STYXL1: variants seen among roughly 807,000 people sequenced by gnomAD.
STYXL1 encodes the protein serine/threonine/tyrosine interacting like 1.
A neutral mutation model predicts 36.4 loss-of-function variants in STYXL1; 32 were observed. The ratio of observed to expected loss-of-function variants is 0.88; its 90% CI spans 0.66 to 1.18. STYXL1 has a LOEUF of 1.18. Ranked by LOEUF, STYXL1 falls within the 50% of genes most tolerant of loss-of-function variation. The pLI is 0.00. For missense variants in STYXL1, 354 were observed against 394.1 expected (o/e 0.90, Z 0.86); for synonymous variants, 133 against 144.1 (o/e 0.92, Z 0.55).
intron 4 of STYXL1, among the ~76,000 whole-genome samples, chr7:76,017,777 C>T (rs986429869): frequency 7.1e-6 from 1 of 141,268 alleles, no homozygotes; most frequent in Admixed American, 7.9e-5. Context: ...TTCCCAGCTA[C>T]TTGGGAAGCT....
intron 1 of STYXL1, among the ~76,000 whole-genome samples, chr7:76,033,017 G>T (rs972098378): frequency 6.6e-6 from 1 of 152,184 alleles, no homozygotes; most frequent in Non-Finnish European, 1.5e-5. Context: ...TTGTTGGGTG[G>T]AGAATCACTG....
intron 5 of STYXL1, among the ~76,000 whole-genome samples, chr7:76,007,973 T>C (rs1448972983): frequency 1.3e-5 from 2 of 148,948 alleles, no homozygotes; most frequent in African/African-American, 2.5e-5. Flanking sequence ...CTGAGGTGGG[T>C]GGATCACTTG....
At chr7:76,010,062 TGAG>T (rs1554571756) in intron 5 of STYXL1, among the ~76,000 whole-genome samples, 1 of 152,010 alleles carries the variant, frequency 6.6e-6, no homozygotes, top group African/African-American at 2.4e-5. Flanking sequence ...GCTTCAGAAA[TGAG>T]GAGGTGGCAG....
intron 4 of STYXL1, 70 bp from the exon 5 acceptor site, chr7:76,013,957 AC>A (rs199764711): frequency 0.019 from 26,812 of 1,443,682 alleles, 340 homozygotes; most frequent in Non-Finnish European, 0.023. Flanking sequence ...GGGATAGATG[AC>A]CACTTTCTTC....
At chr7:76,030,586 A>G in intron 1 of STYXL1, 59 bp from the exon 2 acceptor site, 1 of 986,460 alleles carries the variant, frequency 1.0e-6, no homozygotes, top group Non-Finnish European at 1.6e-6. Context: ...GAATGACCAC[A>G]AAGTAATATA....
At chr7:76,029,250 G>A (rs1202624848) in intron 2 of STYXL1, among the ~76,000 whole-genome samples, 3 of 152,042 alleles carry the variant, frequency 2.0e-5, no homozygotes, top group Admixed American at 6.6e-5. Context: ...GGGTTCAAGC[G>A]ATTTTCCTGC....
Position 76,030,459 on chromosome 7 carries a change from A to G in STYXL1, c.65T>C (p.Leu22Pro). Residue 22 changes from leucine (L) to proline (P), a missense_variant, in exon 2 of 9, where the codon CTC (leucine) becomes CCC (proline). Physicochemically the swap from Leu to Pro is moderately conservative, Grantham distance 98. Transcript: ENST00000359697. ...ATAGTTGGGGTCTGTTAATCTGGAGAGTTTTGTGGCCTGATTCAGGATGTT... is the reference window on the plus strand; with the variant it reads ...ATAGTTGGGGTCTGTTAATCTGGAGGGTTTTGTGGCCTGATTCAGGATGTT... ...LYNILNQATK[L>P]SRLTDPNYLC... The G allele has an allele frequency of 6.2e-7, 1 of 1,613,958 alleles. No homozygotes were observed. Among genetic ancestry groups the G allele is most frequent in the Non-Finnish European group, 8.5e-7 (1 of 1,179,870 alleles).
Position 76,028,694 on chromosome 7 carries a change from G to A in STYXL1, c.113C>T (p.Ser38Phe), listed in dbSNP as rs1554578430. ...ATGGCTTTCGTCATACTCCCATTTG[G>A]AACGGACATCTGGAAAGGAAACGTA... Reference protein sequence around the residue: ...PNYLCLLDVRSKWEYDESHVI... With the variant: ...PNYLCLLDVRFKWEYDESHVI... Residue 38 changes from serine (S) to phenylalanine (F), a missense_variant, in exon 3 of 9, where the codon TCC (serine) becomes TTC (phenylalanine). Transcript: ENST00000359697. 4 of 1,614,144 alleles carry A rather than the reference G, an allele frequency of 2.5e-6. No homozygotes were observed. The highest frequency in any genetic ancestry group is 3.4e-6 in the Non-Finnish European group (4 of 1,179,994).
At chr7:76,030,281 G>GC in intron 2 of STYXL1, 140 bp downstream of exon 2, 1 of 646,852 alleles carries the variant, frequency 1.5e-6, no homozygotes, top group Non-Finnish European at 2.8e-6. Flanking sequence ...TTACAGGCGT[G>GC]TGCCACCACA....
rs782580451 is a variant in STYXL1 at position 75,996,399 on chromosome 7, C to G, written c.*69G>C. The G allele has an allele frequency of 1.1e-5, 17 of 1,613,014 alleles. No homozygotes were observed. Among genetic ancestry groups the G allele is most frequent in the East Asian group, 2.2e-5 (1 of 44,858 alleles). On this transcript the variant is annotated 3_prime_UTR_variant, in exon 9 of 9. Transcript: ENST00000359697. The stretch of plus-strand genomic sequence containing the variant: ...CCAGACAAGCCTGGGTATACACACT[C>G]TGGCCCTCCACCCACAAAATGCCCC...
intron 4 of STYXL1, among the ~76,000 whole-genome samples, chr7:76,017,061 G>A (rs372701700): frequency 9.9e-4 from 150 of 151,988 alleles, no homozygotes; most frequent in African/African-American, 3.4e-3. Context: ...CGCTCTTGTC[G>A]CCCAGGCTGG....
rs56728505 is a variant in STYXL1, at chr7:76,024,948, C to CAA, written c.166-2958_166-2957dup. ...TGGGCGACAGAGTGAGACTCTGTCT[C>CAA]AAAAAAAAAAAAAAAAAAAAATTCA... On this transcript the variant is annotated intron_variant, in intron 3 of 8. Coordinates refer to ENST00000359697, the MANE Select transcript of STYXL1 (RefSeq NM_001317785.2). 4.9e-3 allele frequency among the ~76,000 whole-genome samples: 357 copies of CAA among 72,380 alleles called. 21 individuals carry two copies. The highest frequency in any genetic ancestry group is 0.019 in the African/African-American group (318 of 16,586). The allele number at this position is 72,380 out of a possible 152,430, so 47.5% of individuals were successfully genotyped here.
chr7:76,040,407 C>T (rs1053739570), intron 1 of STYXL1, among the ~76,000 whole-genome samples: 9 of 152,198 alleles, frequency 5.9e-5, no homozygotes, highest in Non-Finnish European at 1.0e-4. Context: ...CCACAATCAG[C>T]GACTCTCAGC....
At chr7:76,038,424 T>TC (rs56333416) in intron 1 of STYXL1, among the ~76,000 whole-genome samples, 12 of 126,272 alleles carry the variant, frequency 9.5e-5, no homozygotes, top group Admixed American at 3.1e-4. Context: ...TGAATGACAT[T>TC]TTTTTTTTTT....
intron 1 of STYXL1, among the ~76,000 whole-genome samples, chr7:76,046,321 TGTGTGTGTGTGTGTGTGTGCGCGC>T (rs1213479967): frequency 0.03 from 994 of 32,862 alleles, 26 homozygotes; most frequent in Non-Finnish European, 0.049. Flanking sequence ...TGTGTGTGTG[TGTGTGTGTGTGTGTGTGTGCGCGC>T]GCGCGCGCGC....
chr7:76,038,364 A>C (rs1796128480), intron 1 of STYXL1, among the ~76,000 whole-genome samples: 1 of 145,904 alleles, frequency 6.9e-6, no homozygotes, highest in Non-Finnish European at 1.5e-5. Context: ...AAACCTCCCT[A>C]CTCGTTATGT....
At chr7:76,022,957 A>AAAAC (rs533873374) in intron 3 of STYXL1, among the ~76,000 whole-genome samples, 60 of 152,224 alleles carry the variant, frequency 3.9e-4, no homozygotes, top group African/African-American at 1.2e-3. Flanking sequence ...AAAACAAAAC[A>AAAAC]AAACAAACAA....
At chr7:76,031,501 G>A (rs900983262) in intron 1 of STYXL1, among the ~76,000 whole-genome samples, 1 of 151,874 alleles carries the variant, frequency 6.6e-6, no homozygotes, top group African/African-American at 2.4e-5. Flanking sequence ...GATCACCTGA[G>A]GTCAGGAGTT....
At chr7:76,030,320 C>G in intron 2 of STYXL1, 101 bp downstream of exon 2, 1 of 844,664 alleles carries the variant, frequency 1.2e-6, no homozygotes, top group Non-Finnish European at 1.9e-6. Flanking sequence ...GTTCTAAAGT[C>G]ATTCACTGCC....
Sources: allele counts gnomAD v4.1 joint callset (sites outside exome capture counted in the v4.1 genomes callset), GRCh38; gene constraint gnomAD v4.1.1; transcripts MANE v1.5; gene names NCBI Gene and HGNC (gene_info 2026-07-23, HGNC 2026-07-21).